Variants in VIPR1 observed in about 807,000 individuals in gnomAD.
The protein encoded by VIPR1 is vasoactive intestinal peptide receptor 1.
Under a neutral mutation model 58.8 loss-of-function variants are expected in VIPR1, and 59 were observed. The observed-to-expected ratio is 1.00, with a 90% CI of 0.81 to 1.25. VIPR1 has a LOEUF of 1.25. Among genes scored for constraint, VIPR1 ranks in the 50% most tolerant of loss-of-function variants. The pLI is 0.00. For synonymous variants in VIPR1, 251 were observed against 242.1 expected, an observed-to-expected ratio of 1.04 and a Z score of -0.34; for missense variants, 626 against 602.7, an observed-to-expected ratio of 1.04 and a Z score of -0.40.
chr3:42,536,913 T>G lies in VIPR1; in HGVS notation c.*632T>G, dbSNP rs1701887391. 2 of 152,340 alleles carry G rather than the reference T, an allele frequency of 1.3e-5. No homozygotes were observed. Among genetic ancestry groups the G allele is most frequent in the South Asian group, 4.1e-4 (2 of 4,832 alleles). 9.4% of individuals were successfully genotyped at this position (152,340 alleles called of 1,614,324 possible). ...TTAGTGGTTCCCCACCGAAGTGGACTGGCCCCTGGGTCAGTCTGGTGGGAG... is the reference window on the plus strand; with the variant it reads ...TTAGTGGTTCCCCACCGAAGTGGACGGGCCCCTGGGTCAGTCTGGTGGGAG... On this transcript the variant is annotated 3_prime_UTR_variant, in exon 13 of 13. Coordinates refer to ENST00000325123, the MANE Select transcript of VIPR1 (RefSeq NM_004624.4).
chr3:42,527,552 A>ACGCTGGGCTC, intron 5 of VIPR1, 56 bp downstream of exon 5: 1 of 1,564,772 alleles, frequency 6.4e-7, no homozygotes. Context: ...TGTCCCTCCC[A>ACGCTGGGCTC]CAGTGGAGCC....
At position 42,531,306 on chromosome 3, in the gene VIPR1, ATCCC is replaced by A; in HGVS notation, c.791-161_791-158del. The A allele has an allele frequency of 4.3e-6, 3 of 705,378 alleles. No homozygotes were observed. In the South Asian group the frequency reaches 5.3e-5, roughly 12 times the overall value. The allele number at this position is 705,378 out of a possible 1,614,324, so 43.7% of individuals were successfully genotyped here. On this transcript the variant is annotated intron_variant, in intron 7 of 12. Coordinates refer to ENST00000325123, the MANE Select transcript of VIPR1 (RefSeq NM_004624.4). The stretch of plus-strand genomic sequence containing the variant: ...TACAGCTTCACCCCCTCAGTGGAGC[ATCCC>A]TCCGTGGTGAACAACCTATGCAACC...
intron 3 of VIPR1, among the ~76,000 whole-genome samples, chr3:42,523,041 C>T (rs1474355491): frequency 6.6e-6 from 1 of 152,002 alleles, no homozygotes; most frequent in East Asian, 1.9e-4. Context: ...GGAGCCCAGC[C>T]TGGCCCAGGC....
chr3:42,505,902 T>C (rs1700100952), intron 1 of VIPR1, among the ~76,000 whole-genome samples: 1 of 152,094 alleles, frequency 6.6e-6, no homozygotes, highest in Non-Finnish European at 1.5e-5. Flanking sequence ...GCCTCCTGAG[T>C]GGGACATAAT....
chr3:42,535,881 C>G (rs1701813842), intron 12 of VIPR1, among the ~76,000 whole-genome samples: 1 of 152,160 alleles, frequency 6.6e-6, no homozygotes, highest in Admixed American at 6.5e-5. Flanking sequence ...CTCTCTGCCT[C>G]TTACCTCCTG....
At chr3:42,502,610 G>T (rs1699912977), upstream of VIPR1, 1 of 705,770 alleles carries the variant, frequency 1.4e-6, no homozygotes, top group Non-Finnish European at 1.9e-6. Flanking sequence ...CCTGAGCTGC[G>T]CCTCTTAGCT....
rs1311705656 is a variant in VIPR1 at position 42,526,066 on chromosome 3, C to T, written c.399+73C>T. On this transcript the variant is annotated intron_variant, in intron 4 of 12. Transcript: ENST00000325123. ...CCTAGGAGACTTTGATCTCTCCCAC[C>T]GAGGGGTGTGGTTGCTGTCTGTGTG... The T allele has an allele frequency of 6.2e-5, 87 of 1,401,856 alleles. No individual in the cohort carries two copies. The Admixed American group carries it at 9.1e-4, about 15-fold the overall frequency. The allele number at this position is 1,401,856 out of a possible 1,614,324, so 86.8% of individuals were successfully genotyped here.
intron 1 of VIPR1, among the ~76,000 whole-genome samples, chr3:42,489,993 C>T (rs1018348514): frequency 2.0e-5 from 3 of 152,204 alleles, no homozygotes; most frequent in Admixed American, 1.3e-4. Context: ...ACAGTTCCCG[C>T]GAAGCCCTTC....
chr3:42,498,074 C>T (rs1699800972), upstream of VIPR1, among the ~76,000 whole-genome samples: 2 of 152,202 alleles, frequency 1.3e-5, no homozygotes, highest in Admixed American at 1.3e-4. Flanking sequence ...TTCCTCTATC[C>T]CCTGGAGCAG....
At chr3:42,501,472 C>G (rs1278478629), upstream of VIPR1, among the ~76,000 whole-genome samples, 1 of 152,242 alleles carries the variant, frequency 6.6e-6, no homozygotes, top group Non-Finnish European at 1.5e-5. The surrounding 1 kb of genome is among the most constrained non-coding windows in gnomAD (Gnocchi z 4.8). Context: ...GCCAGCCACT[C>G]TATCCTGCCG....
intron 8 of VIPR1, 101 bp downstream of exon 8, chr3:42,531,632 A>G: frequency 6.4e-7 from 1 of 1,565,350 alleles, no homozygotes; most frequent in Non-Finnish European, 8.7e-7. Context: ...GACAAAAACC[A>G]CAGCTCTCGG....
In VIPR1 at chr3:42,513,800, G is replaced by T; in HGVS notation, c.130G>T (p.Glu44Ter). 5.8e-6 allele frequency: 9 copies of T among 1,551,674 alleles called. No homozygotes were observed. Among genetic ancestry groups the T allele is most frequent in the Non-Finnish European group, 7.8e-6 (9 of 1,146,962 alleles). Residue 44 changes from glutamate (E) to a stop codon, truncating the protein, a stop_gained, in exon 2 of 13, where the codon GAG becomes TAG. Coordinates refer to ENST00000325123, the MANE Select transcript of VIPR1 (RefSeq NM_004624.4). LOFTEE classifies it high-confidence loss of function. Reference protein sequence around the residue: ...QEECDYVQMIEVQHKQCLEEA... With the variant: ...QEECDYVQMI ...GGAGTGTGACTATGTGCAGATGATC[G>T]AGGTGCAGCACAAGCAGTGCCTGGA...
At chr3:42,525,615 T>C (rs1701189203) in intron 3 of VIPR1, among the ~76,000 whole-genome samples, 1 of 152,188 alleles carries the variant, frequency 6.6e-6, no homozygotes, top group Non-Finnish European at 1.5e-5. Context: ...GAGTGTATGT[T>C]GTACTTGGGG....
chr3:42,535,317 A>G (rs1158724368), intron 11 of VIPR1, 26 bp from the exon 12 acceptor site: 1 of 1,613,290 alleles, frequency 6.2e-7, no homozygotes, highest in Non-Finnish European at 8.5e-7. Context: ...TGTCTACCTC[A>G]CCTCTCCTGT....
At chr3:42,508,358 G>A (rs980184591) in intron 1 of VIPR1, among the ~76,000 whole-genome samples, 23 of 152,204 alleles carry the variant, frequency 1.5e-4, no homozygotes, top group African/African-American at 5.5e-4. Flanking sequence ...CCAGGAAGCA[G>A]CAGACAGTCT....
rs1006449281 is a variant in VIPR1 at position 42,536,431 on chromosome 3, C to T, written c.*150C>T. On this transcript the variant is annotated 3_prime_UTR_variant, in exon 13 of 13. Coordinates refer to ENST00000325123, the MANE Select transcript of VIPR1 (RefSeq NM_004624.4). ...GGCCCCCTGGTCTCTGGTCCGGACA[C>T]TCCTAGAGAACGCAGCCCTAGAGCC... The T allele has an allele frequency of 9.8e-6, 8 of 817,122 alleles. No individual in the cohort carries two copies. The highest frequency in any genetic ancestry group is 1.4e-5 in the Non-Finnish European group (8 of 555,496). 50.6% of individuals were successfully genotyped at this position (817,122 alleles called of 1,614,324 possible). A position where few individuals can be genotyped will look rare whatever the true frequency, so the allele number is the denominator to read the frequency against.
At chr3:42,492,933 G>A (rs966783412) in intron 1 of VIPR1, among the ~76,000 whole-genome samples, 3 of 152,234 alleles carry the variant, frequency 2.0e-5, no homozygotes, top group Non-Finnish European at 2.9e-5. Flanking sequence ...CTGGGCTACT[G>A]TGGGTCTTGG....
chr3:42,519,880 G>A (rs1273033223), intron 3 of VIPR1, among the ~76,000 whole-genome samples: 2 of 152,236 alleles, frequency 1.3e-5, no homozygotes, highest in Non-Finnish European at 2.9e-5. Context: ...GCCAGGCACT[G>A]AGCTGGACAA....
chr3:42,502,823 C>T lies in VIPR1; in HGVS notation c.78+10C>T, dbSNP rs1271169590. On this transcript the variant is annotated intron_variant, in intron 1 of 12. Transcript: ENST00000325123. ...GGCCCTTGGGCCGGCGGTGAGTGTT[C>T]GCCCGGCCGCCCAGAGTCCCGGCAG... 9 of 1,253,826 alleles carry T rather than the reference C, an allele frequency of 7.2e-6. No individual in the cohort carries two copies. Among genetic ancestry groups the T allele is most frequent in the Non-Finnish European group, 9.0e-6 (9 of 999,296 alleles). The allele number at this position is 1,253,826 out of a possible 1,614,324, so 77.7% of individuals were successfully genotyped here.
Sources: allele counts gnomAD v4.1 joint callset (sites outside exome capture counted in the v4.1 genomes callset), GRCh38; gene constraint gnomAD v4.1.1; non-coding constraint Gnocchi (gnomAD v3.1); transcripts MANE v1.5; gene names NCBI Gene and HGNC (gene_info 2026-07-23, HGNC 2026-07-21).